The following NOP9 variants were observed in gnomAD, a reference collection of about 807,000 sequenced individuals.
NOP9 encodes the protein NOP9 nucleolar protein, also known as nucleolar protein 9.
NOP9 carries 50 observed loss-of-function variants against 63.0 expected under a neutral mutation model. The observed-to-expected ratio is 0.79, with a 90% confidence interval of 0.63 to 1.00. The LOEUF is 1.00. Among genes scored for constraint, NOP9 ranks in the 50% least tolerant of loss-of-function variants. The probability of loss-of-function intolerance (pLI) is 0.00; values close to 1 mark genes in which losing one functional copy is unlikely to be tolerated. For missense variants in NOP9, 758 were observed against 803.0 expected (o/e 0.94, Z 0.68); for synonymous variants, 343 against 332.8 (o/e 1.03, Z -0.33).
intron 9 of NOP9, 122 bp downstream of exon 9, chr14:24,304,720 A>G: frequency 2.1e-6 from 2 of 942,224 alleles, no homozygotes; most frequent in Non-Finnish European, 1.6e-6. Context: ...GGTCTTGCTC[A>G]TGGGTTCTTA....
intron 9 of NOP9, 64 bp downstream of exon 9, chr14:24,304,662 G>A: frequency 7.7e-7 from 1 of 1,292,732 alleles, no homozygotes; most frequent in African/African-American, 1.5e-5. Flanking sequence ...AGATCACTGG[G>A]TAGCTGGGAA....
At chr14:24,301,564 TG>T (rs746491577) in intron 2 of NOP9, 47 bp from the exon 3 acceptor site, 1 of 1,605,648 alleles carries the variant, frequency 6.2e-7, no homozygotes, top group Non-Finnish European at 8.5e-7. Flanking sequence ...CTCTCCTGGA[TG>T]GCAGTTTGTG....
At chr14:24,290,829 AAGCAGAGAC>A in the NOP9 span, 1 of 1,612,856 alleles carries the variant, frequency 6.2e-7, no homozygotes, top group Admixed American at 1.7e-5. Flanking sequence ...ATGAGAAGAC[AAGCAGAGAC>A]GTAGTGTCAG....
the NOP9 span, among the ~76,000 whole-genome samples, chr14:24,286,012 A>T: frequency 6.6e-6 from 1 of 152,076 alleles, no homozygotes; most frequent in African/African-American, 2.4e-5. Flanking sequence ...ACAATGCAAA[A>T]CAAAAATCTC....
Position 24,306,081 on chromosome 14 carries a change from G to A in NOP9, c.*986G>A, listed in dbSNP as rs139893717. On this transcript the variant is annotated 3_prime_UTR_variant, in exon 10 of 10. Transcript: ENST00000267425. ...TGTACACGTCAAAGGTGAATCGGGCGATGTCCTTGCTGTGCTTGGGCCTCT... is the reference window on the plus strand; with the variant it reads ...TGTACACGTCAAAGGTGAATCGGGCAATGTCCTTGCTGTGCTTGGGCCTCT... 10,803 of 1,614,120 alleles carry A rather than the reference G, an allele frequency of 6.7e-3. 54 individuals carry two copies. The highest frequency in any genetic ancestry group is 8.1e-3 in the Non-Finnish European group (9,590 of 1,180,018).
Position 24,306,773 on chromosome 14 carries a change from C to A in NOP9, c.*1678C>A. On this transcript the variant is annotated 3_prime_UTR_variant, in exon 10 of 10. Coordinates refer to ENST00000267425, the MANE Select transcript of NOP9 (RefSeq NM_174913.3). ...CATCTCCCCTTGCTCCCCTCCAAGT[C>A]ACTTCTGGTTTGGAATTGGAAAGCA... 1 of 525,072 alleles carries A rather than the reference C, an allele frequency of 1.9e-6. No homozygotes were observed. 32.5% of individuals were successfully genotyped at this position (525,072 alleles called of 1,614,324 possible).
chr14:24,306,230 A>C lies in NOP9; in HGVS notation c.*1135A>C. 6.5e-7 allele frequency: 1 copy of C among 1,527,860 alleles called. No homozygotes were observed. Among genetic ancestry groups the C allele is most frequent in the South Asian group, 1.2e-5 (1 of 83,652 alleles). The allele number at this position is 1,527,860 out of a possible 1,614,324, so 94.6% of individuals were successfully genotyped here. The stretch of plus-strand genomic sequence containing the variant: ...CTGGGTCAGACCCTCCCTCGCTTGG[A>C]CTTTCTGTCCACTGTGTGACATCCT... On this transcript the variant is annotated 3_prime_UTR_variant, in exon 10 of 10. Transcript: ENST00000267425.
At chr14:24,275,280 G>A in the NOP9 span, among the ~76,000 whole-genome samples, 1 of 152,158 alleles carries the variant, frequency 6.6e-6, no homozygotes, top group African/African-American at 2.4e-5. Context: ...GAAACAAACA[G>A]TAATTGAGTA....
At chr14:24,275,571 A>T in the NOP9 span, among the ~76,000 whole-genome samples, 1 of 152,168 alleles carries the variant, frequency 6.6e-6, no homozygotes, top group Non-Finnish European at 1.5e-5. Flanking sequence ...ACATACACAG[A>T]AGCACACACA....
the NOP9 span, among the ~76,000 whole-genome samples, chr14:24,275,320 G>A: frequency 6.6e-6 from 1 of 152,154 alleles, no homozygotes; most frequent in Non-Finnish European, 1.5e-5. Flanking sequence ...CTTATTTACT[G>A]CACTCACTAC....
At chr14:24,301,751 G>A (rs762754507) in intron 3 of NOP9, 29 bp downstream of exon 3, 3 of 1,608,960 alleles carry the variant, frequency 1.9e-6, no homozygotes, top group African/African-American at 1.3e-5. Context: ...GGATGGTCTC[G>A]TATCTACTTG....
At chr14:24,288,368 G>A in the NOP9 span, among the ~76,000 whole-genome samples, 37 of 148,770 alleles carry the variant, frequency 2.5e-4, no homozygotes, top group Non-Finnish European at 5.1e-4. Flanking sequence ...TTTTTTTTTT[G>A]AGATGGAGTC....
At position 24,307,895 on chromosome 14, in the gene NOP9, C is replaced by G. The variant is rs1368205739; in HGVS notation, c.*2800C>G. ...GAGTTCCTTCCCTGGAACTTCTGGG[C>G]TGGGTGGTTCTCTCCTGTGCTGGGG... On this transcript the variant is annotated 3_prime_UTR_variant, in exon 10 of 10. Coordinates refer to ENST00000267425, the MANE Select transcript of NOP9 (RefSeq NM_174913.3). 3.2e-6 allele frequency: 5 copies of G among 1,555,456 alleles called. No homozygotes were observed. Among genetic ancestry groups the G allele is most frequent in the Non-Finnish European group, 4.4e-6 (5 of 1,145,000 alleles).
the NOP9 span, among the ~76,000 whole-genome samples, chr14:24,275,778 G>A: frequency 6.6e-6 from 1 of 152,254 alleles, no homozygotes; most frequent in South Asian, 2.1e-4. Flanking sequence ...GCCATGTGCA[G>A]TGTGTGGTAG....
chr14:24,299,830 A>C, upstream of NOP9: 2 of 1,232,148 alleles, frequency 1.6e-6, no homozygotes, highest in East Asian at 5.2e-5. Context: ...ACTATGACGT[A>C]GTAGCTGCGT....
intron 3 of NOP9, 82 bp downstream of exon 3, chr14:24,301,804 T>C: frequency 2.0e-6 from 3 of 1,525,120 alleles, no homozygotes; most frequent in Non-Finnish European, 2.7e-6. Flanking sequence ...TTACCTCAGG[T>C]TATTCCTCTT....
rs1179196451 is a variant in NOP9 at position 24,304,243 on chromosome 14, G to A, written c.1613G>A (p.Arg538His). ...DAILTSPSVTRKLRRRVLQNL... is the reference protein window; with the variant it reads ...DAILTSPSVTHKLRRRVLQNL... ...ATCCTGACCAGCCCCTCTGTGACGC[G>A]CAAGCTGCGCCGCCGTGTGCTGCAG... The change falls in exon 8 of 10, where the codon CGC becomes CAC. Residue 538 changes from arginine to histidine, a missense_variant. Arg to His is a conservative substitution (Grantham distance 29). Coordinates refer to ENST00000267425, the MANE Select transcript of NOP9 (RefSeq NM_174913.3). The A allele has an allele frequency of 5.6e-6, 9 of 1,613,890 alleles. No homozygotes were observed. The highest frequency in any genetic ancestry group is 1.1e-5 in the South Asian group (1 of 91,090).
At chr14:24,271,589 G>C in the NOP9 span, 1 of 155,308 alleles carries the variant, frequency 6.4e-6, no homozygotes, top group African/African-American at 2.4e-5. Context: ...GAAACGCAGC[G>C]CACTCTGCAG....
chr14:24,290,766 G>A, the NOP9 span: 1 of 1,525,890 alleles, frequency 6.6e-7, no homozygotes, highest in Non-Finnish European at 9.0e-7. Context: ...AAGGGTATGG[G>A]TAAACAAGAA....
Sources: gnomAD v4.1 joint callset for allele counts (sites outside exome capture counted in the v4.1 genomes callset) on GRCh38, gnomAD v4.1.1 for gene constraint, MANE v1.5 for transcripts, NCBI Gene and HGNC (gene_info 2026-07-23, HGNC 2026-07-21) for gene names.